The following ARHGAP6 variants were observed in gnomAD, a reference collection of about 807,000 sequenced individuals.
ARHGAP6 encodes the protein rho GTPase-activating protein 6.
In ARHGAP6, 16 loss-of-function variants were observed where a neutral mutation model predicts 55.7. The ratio of observed to expected loss-of-function variants is 0.29; its 90% CI spans 0.19 to 0.44. The LOEUF is 0.44. Ranked by LOEUF, ARHGAP6 falls within the 20% of genes least tolerant of loss-of-function variation. The probability of loss-of-function intolerance (pLI) is 1.00; values close to 1 mark genes in which losing one functional copy is unlikely to be tolerated. For synonymous variants in ARHGAP6, 382 were observed against 360.9 expected (o/e 1.06, Z -0.66); for missense variants, 698 against 808.9 (o/e 0.86, Z 1.66).
At chrX:11,339,603 T>C (rs942043841) in intron 1 of ARHGAP6, among the ~76,000 whole-genome samples, 2 of 111,141 alleles carry the variant, frequency 1.8e-5, no homozygotes, top group Non-Finnish European at 3.8e-5. Flanking sequence ...AGATTTTATA[T>C]TAACGTTAAT....
At chrX:11,567,847 G>A (rs150855517) in intron 1 of ARHGAP6, among the ~76,000 whole-genome samples, 1,702 of 109,723 alleles carry the variant, frequency 0.016, 34 homozygotes, top group African/African-American at 0.054. Context: ...TATTATTGTT[G>A]TTGTTTTTAT....
At chrX:11,621,385 A>G (rs2052228099) in intron 1 of ARHGAP6, among the ~76,000 whole-genome samples, 1 of 112,148 alleles carries the variant, frequency 8.9e-6, no homozygotes, top group Non-Finnish European at 1.9e-5. Flanking sequence ...TCAGGAAGAT[A>G]GATGAAATCA....
At chrX:11,351,570 G>T in intron 1 of ARHGAP6, 1 of 753,620 alleles carries the variant, frequency 1.3e-6, no homozygotes, top group Non-Finnish European at 1.6e-6. Flanking sequence ...GCCTTGTACC[G>T]CCTCAGTACT....
rs762693924 is a variant in ARHGAP6 at position 11,522,789 on chromosome X, C to A, written c.588+141452G>T. ...GTCCAGGACAAGATGGATTCACAGC[C>A]GAATTCTACCAGAGGTACAAGGAGG... On this transcript the variant is annotated intron_variant, in intron 1 of 12. Coordinates refer to ENST00000337414, the MANE Select transcript of ARHGAP6 (RefSeq NM_013427.3). 3.6e-5 allele frequency among the ~76,000 whole-genome samples: 4 copies of A among 111,445 alleles called. No individual in the cohort carries two copies. The South Asian group carries it at 1.5e-3, about 43-fold the overall frequency.
chrX:11,403,256 A>G (rs1348037989), intron 1 of ARHGAP6, among the ~76,000 whole-genome samples: 1 of 111,427 alleles, frequency 9.0e-6, no homozygotes, highest in Non-Finnish European at 1.9e-5. Flanking sequence ...AGTTGATGTG[A>G]AAACTTCCCC....
chrX:11,351,437 G>C lies in ARHGAP6; in HGVS notation c.589-96730C>G, dbSNP rs772358374. ...ACCCAAGTGAGCCAGGCCAGGAACA[G>C]GGCAGGCTCTCCCCAGACTTGAAGG... On this transcript the variant is annotated intron_variant, in intron 1 of 12. Transcript: ENST00000337414. 4 of 967,861 alleles carry C rather than the reference G, an allele frequency of 4.1e-6. No individual in the cohort carries two copies. In the South Asian group the frequency reaches 8.1e-5, roughly 20 times the overall value. The allele number at this position is 967,861 out of a possible 1,213,427, so 79.8% of individuals were successfully genotyped here. A position where few individuals can be genotyped will look rare whatever the true frequency, so the allele number is the denominator to read the frequency against.
At chrX:11,221,472 C>T (rs1424555558) in intron 2 of ARHGAP6, 1 of 153,498 alleles carries the variant, frequency 6.5e-6, no homozygotes, top group African/African-American at 3.2e-5. Flanking sequence ...ACAAGACTGT[C>T]TTAAATGCCT....
intron 2 of ARHGAP6, among the ~76,000 whole-genome samples, chrX:11,224,569 G>A (rs183768900): frequency 9.0e-6 from 1 of 111,423 alleles, no homozygotes; most frequent in Non-Finnish European, 1.9e-5. Flanking sequence ...GCATATTTGT[G>A]CAAGAGTAAC....
intron 6 of ARHGAP6, 112 bp downstream of exon 6, chrX:11,181,951 A>T (rs1039230246): frequency 8.6e-5 from 7 of 81,498 alleles, no homozygotes; most frequent in East Asian, 3.0e-4. Context: ...CTTGGAGGGT[A>T]AAAAAAAAAA....
intron 1 of ARHGAP6, among the ~76,000 whole-genome samples, chrX:11,470,489 T>A (rs2050337072): frequency 8.9e-6 from 1 of 112,588 alleles, no homozygotes; most frequent in Non-Finnish European, 1.9e-5. Flanking sequence ...AAAGAAAATA[T>A]CAGCCTGTGT....
chrX:11,621,655 T>A (rs1166982856), intron 1 of ARHGAP6, among the ~76,000 whole-genome samples: 4 of 110,957 alleles, frequency 3.6e-5, no homozygotes, highest in African/African-American at 1.3e-4. Flanking sequence ...GGCAGATGGT[T>A]TGAGAGCCTC....
intron 2 of ARHGAP6, among the ~76,000 whole-genome samples, chrX:11,246,031 T>G: frequency 8.9e-6 from 1 of 111,764 alleles, no homozygotes; most frequent in East Asian, 2.8e-4. Flanking sequence ...GCCACTGTGG[T>G]TGAAGTTTCA....
At chrX:11,480,807 T>C (rs1347945180) in intron 1 of ARHGAP6, among the ~76,000 whole-genome samples, 1 of 111,695 alleles carries the variant, frequency 9.0e-6, no homozygotes, top group Admixed American at 9.5e-5. Flanking sequence ...ATCAGAGTTA[T>C]TGAGTCTCTC....
intron 1 of ARHGAP6, among the ~76,000 whole-genome samples, chrX:11,511,369 T>A: frequency 8.9e-6 from 1 of 112,198 alleles, no homozygotes; most frequent in Non-Finnish European, 1.9e-5. Flanking sequence ...CATTAGACTT[T>A]ATACCGATTG....
At chrX:11,386,378 T>G (rs2049328339) in intron 1 of ARHGAP6, among the ~76,000 whole-genome samples, 1 of 112,504 alleles carries the variant, frequency 8.9e-6, no homozygotes, top group Admixed American at 9.4e-5. Context: ...GCAATATTAC[T>G]TAGAAGTCCA....
chrX:11,328,147 T>C (rs746144231), intron 1 of ARHGAP6, among the ~76,000 whole-genome samples: 2 of 112,503 alleles, frequency 1.8e-5, no homozygotes, highest in East Asian at 5.6e-4. Context: ...TGGTGTTAAT[T>C]TTTCTCATTT....
chrX:11,324,886 C>T (rs1447491570), intron 1 of ARHGAP6, among the ~76,000 whole-genome samples: 1 of 112,631 alleles, frequency 8.9e-6, no homozygotes, highest in Non-Finnish European at 1.9e-5. Context: ...GAGTCTTGCT[C>T]TGTCGCCCAG....
intron 10 of ARHGAP6, among the ~76,000 whole-genome samples, chrX:11,147,685 A>G (rs188253693): frequency 1.8e-5 from 2 of 112,932 alleles, no homozygotes; most frequent in Non-Finnish European, 3.7e-5. Context: ...GGTAAAATCT[A>G]TAAAGTTCTG....
At position 11,213,104 on chromosome X, in the gene ARHGAP6, G is replaced by A. The variant is rs1159004048; in HGVS notation, c.749-16108C>T. ...AAAGGAAGCAAGGAGCCGGGAATGG[G>A]GAGTGCTCGGAATCCTGTCCTGAGG... On this transcript the variant is annotated intron_variant, in intron 2 of 12. Coordinates refer to ENST00000337414, the MANE Select transcript of ARHGAP6 (RefSeq NM_013427.3). Among the ~76,000 whole-genome samples, 4 of 112,693 alleles carry A rather than the reference G, an allele frequency of 3.5e-5. No homozygotes were observed. In the East Asian group the frequency reaches 8.5e-4, roughly 24 times the overall value.
Sources: allele counts gnomAD v4.1 joint callset (sites outside exome capture counted in the v4.1 genomes callset), GRCh38; gene constraint gnomAD v4.1.1; transcripts MANE v1.5; gene names NCBI Gene and HGNC (gene_info 2026-07-23, HGNC 2026-07-21).